Variants in MSI2 observed in about 807,000 individuals in gnomAD.
MSI2 encodes the protein musashi RNA binding protein 2, also known as RNA-binding protein Musashi homolog 2.
A neutral mutation model predicts 45.6 loss-of-function variants in MSI2; 17 were observed. That is an observed-to-expected ratio of 0.37 (90% CI 0.26 to 0.56). MSI2 has a LOEUF of 0.56. Ranked by LOEUF, MSI2 falls within the 20% of genes least tolerant of loss-of-function variation. The pLI, the probability that MSI2 is intolerant of heterozygous loss-of-function variation, is 0.77. For synonymous variants in MSI2, 156 were observed against 158.2 expected (o/e 0.99, Z 0.11); for missense variants, 293 against 444.2 (o/e 0.66, Z 3.06).
chr17:57,256,349 G>A (rs1256699916), upstream of MSI2, among the ~76,000 whole-genome samples: 2 of 151,502 alleles, frequency 1.3e-5, no homozygotes, highest in African/African-American at 2.4e-5. Flanking sequence ...GTGTGCGCGC[G>A]CGGGCAGGCG....
intron 7 of MSI2, among the ~76,000 whole-genome samples, chr17:57,593,386 G>A (rs190481360): frequency 4.6e-5 from 7 of 152,220 alleles, no homozygotes; most frequent in Admixed American, 4.6e-4. Flanking sequence ...AGGTTCTGGG[G>A]GACAGTCGTT....
chr17:57,286,012 G>A, intron 5 of MSI2: 1 of 1,526,778 alleles, frequency 6.5e-7, no homozygotes, highest in Non-Finnish European at 8.7e-7. Context: ...ATCTGATGAG[G>A]GTAAGAAAAA....
chr17:57,624,340 T>C (rs1265075441), intron 9 of MSI2, among the ~76,000 whole-genome samples: 1 of 152,210 alleles, frequency 6.6e-6, no homozygotes, highest in East Asian at 1.9e-4. Flanking sequence ...TTTATCAATA[T>C]TGTTGAAATC....
chr17:57,261,864 C>T lies in MSI2; in HGVS notation c.271-287C>T, dbSNP rs548879758. On this transcript the variant is annotated intron_variant, in intron 4 of 13. Transcript: ENST00000284073. Reference sequence around the variant, plus strand: ...ATATTCAGTGTCTGGAAGAAGAAGCCCTTGCCTAAATAAGAATTACATGAG... The same window carrying T: ...ATATTCAGTGTCTGGAAGAAGAAGCTCTTGCCTAAATAAGAATTACATGAG... Among the ~76,000 whole-genome samples the T allele has an allele frequency of 2.0e-5, 3 of 152,210 alleles. No homozygotes were observed. The East Asian group carries it at 5.8e-4, about 29-fold the overall frequency.
rs2085294583 is a variant in MSI2, at chr17:57,464,505, G to A, written c.405+63034G>A. On this transcript the variant is annotated intron_variant, in intron 6 of 13. Transcript: ENST00000284073. ...CAGAAGTGGATAGGCCACCTTTCTG[G>A]AAGGGTCTGGACAGATCTCAAGTAG... Among the ~76,000 whole-genome samples the A allele has an allele frequency of 2.6e-5, 4 of 152,196 alleles. No individual in the cohort carries two copies. The South Asian group carries it at 8.3e-4, about 32-fold the overall frequency.
chr17:57,647,019 A>C (rs1910713872), intron 10 of MSI2, among the ~76,000 whole-genome samples: 1 of 152,142 alleles, frequency 6.6e-6, no homozygotes, highest in Admixed American at 6.5e-5. Context: ...CCCTTGGCCC[A>C]CTTGTCATTG....
In MSI2 at chr17:57,325,525, G is replaced by A. The variant is rs550086143; in HGVS notation, c.312+63333G>A. 2.6e-5 allele frequency among the ~76,000 whole-genome samples: 4 copies of A among 152,366 alleles called. No individual in the cohort carries two copies. The South Asian group carries it at 6.2e-4, about 24-fold the overall frequency. On this transcript the variant is annotated intron_variant, in intron 5 of 13. Coordinates refer to ENST00000284073, the MANE Select transcript of MSI2 (RefSeq NM_138962.4). Reference sequence around the variant, plus strand: ...GACGTGTTTGAGTCCTGAACACAGAGCAAATGAGTGTGGGCTGTCTTCTTG... The same window carrying A: ...GACGTGTTTGAGTCCTGAACACAGAACAAATGAGTGTGGGCTGTCTTCTTG...
intron 8 of MSI2, among the ~76,000 whole-genome samples, chr17:57,610,416 C>T (rs1907133084): frequency 6.6e-6 from 1 of 151,864 alleles, no homozygotes; most frequent in African/African-American, 2.4e-5. Context: ...CACGCCACTG[C>T]ACTCCAGCCT....
chr17:57,583,488 C>CTTTCT (rs1365477936), intron 7 of MSI2, among the ~76,000 whole-genome samples: 1 of 98,044 alleles, frequency 1.0e-5, no homozygotes, highest in Non-Finnish European at 2.1e-5. Flanking sequence ...CCCAATGTTT[C>CTTTCT]TTTTTTTTTT....
At chr17:57,508,130 C>G (rs1470286603) in intron 6 of MSI2, among the ~76,000 whole-genome samples, 1 of 152,184 alleles carries the variant, frequency 6.6e-6, no homozygotes, top group Non-Finnish European at 1.5e-5. Context: ...TGTCTGGGAG[C>G]TCATGGCCAG....
chr17:57,493,578 C>G (rs1020762560), intron 6 of MSI2, among the ~76,000 whole-genome samples: 8 of 151,066 alleles, frequency 5.3e-5, no homozygotes, highest in Admixed American at 6.6e-5. Context: ...TAAGGATATT[C>G]TGTTCAGTTG....
intron 11 of MSI2, among the ~76,000 whole-genome samples, chr17:57,665,880 C>T (rs1912328362): frequency 6.6e-6 from 1 of 152,158 alleles, no homozygotes; most frequent in South Asian, 2.1e-4. Context: ...CTGACCCCAC[C>T]AGTACTGCAA....
chr17:57,474,103 G>C (rs935131519), intron 6 of MSI2, among the ~76,000 whole-genome samples: 2 of 152,098 alleles, frequency 1.3e-5, no homozygotes, highest in Admixed American at 6.5e-5. Context: ...ACGCGAAGTT[G>C]GGGGTATTTG....
intron 6 of MSI2, among the ~76,000 whole-genome samples, chr17:57,521,654 C>T (rs2086587338): frequency 6.6e-6 from 1 of 152,194 alleles, no homozygotes; most frequent in Non-Finnish European, 1.5e-5. Flanking sequence ...TAGGGCCTGT[C>T]TACACACACA....
At chr17:57,400,824 A>G (rs548282197) in intron 5 of MSI2, among the ~76,000 whole-genome samples, 16 of 152,024 alleles carry the variant, frequency 1.1e-4, no homozygotes, top group African/African-American at 3.6e-4. Flanking sequence ...GTGAATCAAG[A>G]TGAATCACAG....
chr17:57,444,240 G>A (rs1221398746), intron 6 of MSI2, among the ~76,000 whole-genome samples: 1 of 152,114 alleles, frequency 6.6e-6, no homozygotes, highest in African/African-American at 2.4e-5. Context: ...ACAGTGCACC[G>A]TCAGCAGCCT....
chr17:57,420,298 C>T (rs1290237518), intron 6 of MSI2, among the ~76,000 whole-genome samples: 1 of 152,320 alleles, frequency 6.6e-6, no homozygotes, highest in East Asian at 1.9e-4. Flanking sequence ...ACGTTCGGGG[C>T]AGTCTGAAAA....
At chr17:57,621,179 A>G (rs1014348857) in intron 9 of MSI2, among the ~76,000 whole-genome samples, 2 of 152,222 alleles carry the variant, frequency 1.3e-5, no homozygotes, top group African/African-American at 4.8e-5. Context: ...ACATGACCCC[A>G]TCAGTTACAT....
chr17:57,297,708 C>T (rs1034533349), intron 5 of MSI2, among the ~76,000 whole-genome samples: 4 of 152,126 alleles, frequency 2.6e-5, no homozygotes, highest in African/African-American at 9.7e-5. Context: ...TTCAAGATTG[C>T]AGTCAGTCCT....
Sources: allele counts gnomAD v4.1 joint callset (sites outside exome capture counted in the v4.1 genomes callset), GRCh38; gene constraint gnomAD v4.1.1; transcripts MANE v1.5; gene names NCBI Gene and HGNC (gene_info 2026-07-23, HGNC 2026-07-21).